Variants in USP16 observed in about 807,000 individuals in gnomAD.
USP16 encodes ubiquitin specific peptidase 16.
USP16 carries 77 observed loss-of-function variants against 95.9 expected under a neutral mutation model. That is an observed-to-expected ratio of 0.80 (90% confidence interval 0.67 to 0.97). The LOEUF is 0.97. Among genes scored for constraint, USP16 ranks in the 50% least tolerant of loss-of-function variants. USP16 has a pLI of 0.00. For missense variants in USP16, 943 were observed against 959.9 expected, an observed-to-expected ratio of 0.98 and a Z score of 0.23; for synonymous variants, 303 against 318.2, an observed-to-expected ratio of 0.95 and a Z score of 0.51.
chr21:29,046,547 A>T, intron 13 of USP16, 120 bp from the exon 14 acceptor site: 3 of 1,055,918 alleles, frequency 2.8e-6, no homozygotes, highest in South Asian at 3.5e-5. Flanking sequence ...TTGATTGACA[A>T]GCAGCAAAAC....
Position 29,034,843 on chromosome 21 carries a change from G to A in USP16, c.247G>A (p.Gly83Ser). 2 of 1,613,890 alleles carry A rather than the reference G, an allele frequency of 1.2e-6. No individual in the cohort carries two copies. The highest frequency in any genetic ancestry group is 1.1e-5 in the South Asian group (1 of 91,074). Residue 83 changes from glycine (G) to serine (S), a missense_variant, in exon 4 of 18, where the codon GGC becomes AGC. By Grantham distance (56) the Gly-to-Ser change is moderately conservative (BLOSUM62 0). Transcript: ENST00000399976. ...LCLKCGHQGC[G>S]RNSQEQHALK... Reference sequence around the variant, plus strand: ...ATGATTATGATTTTTTTAGGGCTGTGGCAGAAATTCTCAGGAGCAGCATGC... The same window carrying A: ...ATGATTATGATTTTTTTAGGGCTGTAGCAGAAATTCTCAGGAGCAGCATGC...
At chr21:29,039,930 T>C (rs1601058038) in intron 9 of USP16, among the ~76,000 whole-genome samples, 2 of 152,332 alleles carry the variant, frequency 1.3e-5, no homozygotes, top group East Asian at 3.9e-4. Flanking sequence ...TTAATACTGT[T>C]TTTTGAACCT....
intron 2 of USP16, 116 bp downstream of exon 2, chr21:29,028,090 G>A (rs968870305): frequency 1.2e-4 from 83 of 695,138 alleles, no homozygotes; most frequent in Non-Finnish European, 1.8e-4. Flanking sequence ...TTAATATAAT[G>A]TTTGTATCTA....
Position 29,034,863 on chromosome 21 carries a change from G to A in USP16, c.267G>A (p.Gln89=). 6.2e-7 allele frequency: 1 copy of A among 1,614,092 alleles called. No individual in the cohort carries two copies. The highest frequency in any genetic ancestry group is 8.5e-7 in the Non-Finnish European group (1 of 1,179,986). ...GCTGTGGCAGAAATTCTCAGGAGCAGCATGCCTTGAAGCACTATCTGACGC... is the reference window on the plus strand; with the variant it reads ...GCTGTGGCAGAAATTCTCAGGAGCAACATGCCTTGAAGCACTATCTGACGC... ...HQGCGRNSQE[Q]HALKHYLTPR... Residue 89 remains glutamine, a synonymous_variant, in exon 4 of 18, where the codon CAG becomes CAA. Coordinates refer to ENST00000399976, the MANE Select transcript of USP16 (RefSeq NM_006447.3).
At chr21:29,027,345 TG>T (rs2085007690) in intron 1 of USP16, among the ~76,000 whole-genome samples, 1 of 152,222 alleles carries the variant, frequency 6.6e-6, no homozygotes, top group South Asian at 2.1e-4. Flanking sequence ...TGTACAACAG[TG>T]TATCACTTTT....
intron 3 of USP16, among the ~76,000 whole-genome samples, chr21:29,031,137 CA>C (rs2085070874): frequency 2.0e-5 from 3 of 152,158 alleles, no homozygotes; most frequent in African/African-American, 7.2e-5. Context: ...TAACCTTGGG[CA>C]AGGCAGCTCC....
rs773900023 is a variant in USP16 at position 29,054,063 on chromosome 21, CAG to C, written c.2351-1_2351del. 2 of 1,614,058 alleles carry C rather than the reference CAG, an allele frequency of 1.2e-6. No homozygotes were observed. Among genetic ancestry groups the C allele is most frequent in the South Asian group, 2.2e-5 (2 of 91,068 alleles). ...TGTTTGATTTTTCATTTTCTCATGA[CAG>C]ATTTTGAAATGGAATCAAAAGGGCA... On this transcript the variant is annotated splice_acceptor_variant, in intron 17 of 17. Coordinates refer to ENST00000399976, the MANE Select transcript of USP16 (RefSeq NM_006447.3). LOFTEE classifies it high-confidence loss of function.
chr21:29,036,896 A>G (rs1277675995), intron 5 of USP16, among the ~76,000 whole-genome samples: 1 of 152,150 alleles, frequency 6.6e-6, no homozygotes, highest in African/African-American at 2.4e-5. Context: ...TTGATTTTTG[A>G]CCCACAGAAT....
chr21:29,025,002 C>T (rs1601032852), intron 1 of USP16: 1 of 346,426 alleles, frequency 2.9e-6, no homozygotes, highest in South Asian at 2.6e-5. Flanking sequence ...ACCCCGTGGA[C>T]CCAGAGGTTC....
In USP16 at chr21:29,046,647, G is replaced by T; in HGVS notation, c.1357-20G>T. 6.4e-7 allele frequency: 1 copy of T among 1,567,644 alleles called. No individual in the cohort carries two copies. Among genetic ancestry groups the T allele is most frequent in the Non-Finnish European group, 8.6e-7 (1 of 1,162,966 alleles). On this transcript the variant is annotated intron_variant, in intron 13 of 17. Transcript: ENST00000399976. ...TCTTTCTTTTTCTTTATTTTTTGAT[G>T]CCGTATACTTTTTACCCAGAACCAA...
chr21:29,033,469 A>G (rs897396155), intron 3 of USP16, among the ~76,000 whole-genome samples: 3 of 152,256 alleles, frequency 2.0e-5, no homozygotes, highest in African/African-American at 7.2e-5. Flanking sequence ...CGGTTGTTGT[A>G]CTGTGATCCA....
chr21:29,024,892 A>T (rs981787669), intron 1 of USP16, 115 bp downstream of exon 1: 1 of 1,086,422 alleles, frequency 9.2e-7, no homozygotes, highest in Admixed American at 3.8e-5. Context: ...CTCCTTAAGC[A>T]CGTAACCCGG....
At position 29,051,398 on chromosome 21, in the gene USP16, G is replaced by T. The variant is rs1408700940; in HGVS notation, c.2193+1220G>T. On this transcript the variant is annotated intron_variant, in intron 16 of 17. Transcript: ENST00000399976. Reference sequence around the variant, plus strand: ...ACATATGTGGCAGTTTAAACTATGAGAAGATGGGATCCCTTGTGTATAGAG... The same window carrying T: ...ACATATGTGGCAGTTTAAACTATGATAAGATGGGATCCCTTGTGTATAGAG... Among the ~76,000 whole-genome samples the T allele has an allele frequency of 2.0e-5, 3 of 152,196 alleles. No homozygotes were observed. The South Asian group carries it at 6.2e-4, about 31-fold the overall frequency.
rs974587541 is a variant in USP16 at position 29,030,356 on chromosome 21, C to T, written c.62-239C>T. On this transcript the variant is annotated intron_variant, in intron 2 of 17. Coordinates refer to ENST00000399976, the MANE Select transcript of USP16 (RefSeq NM_006447.3). ...ATTGAAATGAATTTGTAGTGGGGGA[C>T]AGTGGTGGTTATATTTAGGACTTCA... Among the ~76,000 whole-genome samples the T allele has an allele frequency of 5.9e-5, 9 of 152,082 alleles. No homozygotes were observed. In the South Asian group the frequency reaches 1.0e-3, roughly 18 times the overall value.
At chr21:29,034,471 C>G (rs1051174532) in intron 3 of USP16, among the ~76,000 whole-genome samples, 1 of 152,036 alleles carries the variant, frequency 6.6e-6, no homozygotes, top group African/African-American at 2.4e-5. Context: ...CGCCACCACA[C>G]CCGGCTAATT....
intron 15 of USP16, among the ~76,000 whole-genome samples, chr21:29,049,081 CTTTTTAG>C (rs2085374710): frequency 6.6e-6 from 1 of 152,084 alleles, no homozygotes. Flanking sequence ...TTATGTCCCT[CTTTTTAG>C]TACGATTGGC....
Position 29,042,541 on chromosome 21 carries a change from A to C in USP16, c.1179+13A>C, listed in dbSNP as rs756266930. ...TTTAGATGATCAGGTAAGACTATTG[A>C]ATTTATTTTATTCAAGTAGATTTTT... On this transcript the variant is annotated intron_variant, in intron 12 of 17. Coordinates refer to ENST00000399976, the MANE Select transcript of USP16 (RefSeq NM_006447.3). 6.3e-7 allele frequency: 1 copy of C among 1,582,436 alleles called. No individual in the cohort carries two copies. Among genetic ancestry groups the C allele is most frequent in the Admixed American group, 1.9e-5 (1 of 52,308 alleles).
intron 16 of USP16, chr21:29,053,567 A>G (rs2085448517): frequency 1.2e-5 from 5 of 418,180 alleles, no homozygotes; most frequent in Non-Finnish European, 1.7e-5. Flanking sequence ...AGGTAACTGC[A>G]TCAAGTGGCC....
At chr21:29,028,122 A>ATT in intron 2 of USP16, 148 bp downstream of exon 2, 1 of 564,734 alleles carries the variant, frequency 1.8e-6, no homozygotes, top group Non-Finnish European at 2.9e-6. Flanking sequence ...ATAGTCTTCT[A>ATT]CTTTTTTTTT....
Sources: allele counts gnomAD v4.1 joint callset (sites outside exome capture counted in the v4.1 genomes callset), GRCh38; gene constraint gnomAD v4.1.1; transcripts MANE v1.5; gene names NCBI Gene and HGNC (gene_info 2026-07-23, HGNC 2026-07-21).